The following VIT variants were observed in gnomAD, a reference collection of about 807,000 sequenced individuals.
VIT encodes vitrin.
Under a neutral mutation model 78.0 loss-of-function variants are expected in VIT, and 99 were observed. The observed-to-expected ratio is 1.27, with a 90% CI of 1.08 to 1.50. The LOEUF is 1.50. Among genes scored for constraint, VIT ranks in the 40% most tolerant of loss-of-function variants. The pLI, the probability that VIT is intolerant of heterozygous loss-of-function variation, is 0.00. For missense variants in VIT, 1,126 were observed against 875.3 expected (o/e 1.29, Z -3.61); for synonymous variants, 374 against 334.3 (o/e 1.12, Z -1.29).
intron 15 of VIT, among the ~76,000 whole-genome samples, chr2:36,810,435 T>C (rs1667072152): frequency 6.6e-6 from 1 of 152,260 alleles, no homozygotes; most frequent in Non-Finnish European, 1.5e-5. Context: ...GCAGAATTTA[T>C]GTATAATCAC....
chr2:36,783,016 T>C (rs927292087), intron 10 of VIT, among the ~76,000 whole-genome samples: 3 of 152,330 alleles, frequency 2.0e-5, no homozygotes, highest in Admixed American at 6.5e-5. Flanking sequence ...TTCAGAATTT[T>C]ACAGAGACAT....
intron 7 of VIT, among the ~76,000 whole-genome samples, chr2:36,768,940 C>T (rs1001215761): frequency 6.6e-6 from 1 of 152,116 alleles, no homozygotes; most frequent in Admixed American, 6.6e-5. Context: ...TTTGAAGAAG[C>T]TATGATATAA....
At chr2:36,712,799 C>T (rs1438405557) in intron 1 of VIT, among the ~76,000 whole-genome samples, 1 of 152,236 alleles carries the variant, frequency 6.6e-6, no homozygotes, top group Non-Finnish European at 1.5e-5. Context: ...TGCAGCATTG[C>T]ACTCCAGCCT....
chr2:36,809,403 T>A (rs573261302), intron 15 of VIT, among the ~76,000 whole-genome samples: 8 of 152,286 alleles, frequency 5.3e-5, no homozygotes, highest in Non-Finnish European at 8.8e-5. Flanking sequence ...CCAACTTGTG[T>A]TAGTAACTTT....
At chr2:36,760,229 A>C (rs537670618) in intron 6 of VIT, among the ~76,000 whole-genome samples, 3 of 152,046 alleles carry the variant, frequency 2.0e-5, no homozygotes, top group African/African-American at 7.2e-5. Flanking sequence ...TCTTGACCTC[A>C]TGATCCTCCC....
At chr2:36,755,974 T>TTTTTTTA (rs1668737562) in intron 5 of VIT, among the ~76,000 whole-genome samples, 4 of 149,676 alleles carry the variant, frequency 2.7e-5, no homozygotes, top group African/African-American at 9.9e-5. Flanking sequence ...TTTTTTTTTT[T>TTTTTTTA]GAGACGGAGT....
intron 4 of VIT, among the ~76,000 whole-genome samples, chr2:36,752,127 C>G (rs1279417212): frequency 2.6e-5 from 4 of 152,166 alleles, no homozygotes; most frequent in African/African-American, 9.7e-5. Flanking sequence ...GGTCTTAGTA[C>G]AAGAAATTCC....
At chr2:36,759,098 G>C (rs181008151) in intron 6 of VIT, 52 bp downstream of exon 6, 1 of 1,614,136 alleles carries the variant, frequency 6.2e-7, no homozygotes, top group Non-Finnish European at 8.5e-7. Flanking sequence ...ATGAACACGC[G>C]ACGTGTTTTG....
chr2:36,700,994 C>T (rs564233527), intron 1 of VIT, among the ~76,000 whole-genome samples: 1 of 149,342 alleles, frequency 6.7e-6, no homozygotes. Flanking sequence ...CAAAGTCATA[C>T]TCTTAACCTG....
intron 12 of VIT, among the ~76,000 whole-genome samples, chr2:36,791,222 G>C (rs1665479279): frequency 6.6e-6 from 1 of 152,072 alleles, no homozygotes; most frequent in Non-Finnish European, 1.5e-5. Flanking sequence ...GCTCTGACTT[G>C]GCCGCATCTC....
intron 14 of VIT, 71 bp downstream of exon 14, chr2:36,805,735 A>G (rs1666674372): frequency 6.6e-7 from 1 of 1,506,562 alleles, no homozygotes; most frequent in African/African-American, 1.4e-5. Context: ...ACGCCGTTGC[A>G]GTGGTTTTCC....
chr2:36,764,126 G>T (rs576201017), intron 6 of VIT, among the ~76,000 whole-genome samples: 3 of 152,138 alleles, frequency 2.0e-5, no homozygotes, highest in East Asian at 1.9e-4. Flanking sequence ...AGATAATTCC[G>T]ATTTTCAATA....
intron 14 of VIT, 150 bp from the exon 15 acceptor site, chr2:36,808,322 G>A (rs1666879703): frequency 2.6e-6 from 3 of 1,166,228 alleles, no homozygotes; most frequent in Admixed American, 2.9e-5. Context: ...TGGCCGCTGG[G>A]TGAACCGAGA....
intron 2 of VIT, among the ~76,000 whole-genome samples, chr2:36,719,722 T>C (rs1364630532): frequency 6.6e-6 from 1 of 152,210 alleles, no homozygotes; most frequent in African/African-American, 2.4e-5. Flanking sequence ...GCAGATCACT[T>C]GAGCCCAGGA....
chr2:36,814,129 T>G, intron 15 of VIT, 54 bp from the exon 16 acceptor site: 3 of 1,585,796 alleles, frequency 1.9e-6, no homozygotes, highest in Non-Finnish European at 2.6e-6. Flanking sequence ...AGAGAGATTC[T>G]TTAGCAGCAC....
intron 7 of VIT, 64 bp downstream of exon 7, chr2:36,767,349 C>A: frequency 7.1e-7 from 1 of 1,408,504 alleles, no homozygotes. Flanking sequence ...TTTAGAGTAA[C>A]AGCTCTGTCT....
intron 3 of VIT, among the ~76,000 whole-genome samples, chr2:36,737,086 G>T (rs902378953): frequency 6.6e-6 from 1 of 152,096 alleles, no homozygotes; most frequent in Admixed American, 6.5e-5. Flanking sequence ...AAATTCTATA[G>T]GAGAATAACA....
At position 36,716,398 on chromosome 2, in the gene VIT, G is replaced by T. The variant is rs774317145; in HGVS notation, c.28G>T (p.Ala10Ser). 6.2e-7 allele frequency: 1 copy of T among 1,613,808 alleles called. No homozygotes were observed. Among genetic ancestry groups the T allele is most frequent in the East Asian group, 2.2e-5 (1 of 44,878 alleles). Reference protein sequence around the residue: MRTVVLTMKASVIEMFLVLL... With the variant: MRTVVLTMKSSVIEMFLVLL... ...GAGGACTGTTGTTCTCACTATGAAG[G>T]CATCTGTTATTGAAATGTTCCTTGG... is the stretch of plus-strand genomic sequence containing the variant. The change falls in exon 2 of 16, where the codon GCA becomes TCA. Residue 10 changes from alanine to serine, a missense_variant. Transcript: ENST00000379242.
intron 1 of VIT, among the ~76,000 whole-genome samples, chr2:36,715,305 C>G (rs185913694): frequency 2.4e-4 from 36 of 152,034 alleles, no homozygotes; most frequent in Non-Finnish European, 3.8e-4. Context: ...TTTGGGAGGC[C>G]GAGGCAGGTG....
Sources: gnomAD v4.1 joint callset for allele counts (sites outside exome capture counted in the v4.1 genomes callset) on GRCh38, gnomAD v4.1.1 for gene constraint, MANE v1.5 for transcripts, NCBI Gene and HGNC (gene_info 2026-07-23, HGNC 2026-07-21) for gene names.